The following NAV2 variants were observed in gnomAD, a reference collection of about 807,000 sequenced individuals.
NAV2 encodes the protein helicase, APC down-regulated 1.
A neutral mutation model predicts 223.2 loss-of-function variants in NAV2; 54 were observed. The observed-to-expected ratio is 0.24, with a 90% confidence interval of 0.19 to 0.30. The LOEUF is 0.30. NAV2 is among the 10% of genes least tolerant of loss of function. NAV2 has a pLI of 1.00. For synonymous variants in NAV2, 1,279 were observed against 1,239.3 expected (o/e 1.03, Z -0.67); for missense variants, 2,806 against 3,147.5 (o/e 0.89, Z 2.60).
intron 14 of NAV2, among the ~76,000 whole-genome samples, chr11:20,046,625 A>AC (rs1564922038): frequency 5.9e-5 from 3 of 50,688 alleles, no homozygotes; most frequent in South Asian, 7.0e-4. Context: ...CACACACACA[A>AC]ACCTCTTAAA....
chr11:19,872,891 T>G (rs1231535567), intron 4 of NAV2, among the ~76,000 whole-genome samples: 1 of 152,194 alleles, frequency 6.6e-6, no homozygotes, highest in African/African-American at 2.4e-5. Context: ...TGAACCCATC[T>G]ATTTGCTCTT....
At chr11:19,714,224 G>C (rs1469602116) in intron 1 of NAV2, 1 of 683,690 alleles carries the variant, frequency 1.5e-6, no homozygotes, top group Non-Finnish European at 2.7e-6. Context: ...TCCTGGGGAG[G>C]AGGAAAGGTC....
chr11:20,037,557 G>A (rs1366791731), intron 12 of NAV2, among the ~76,000 whole-genome samples: 1 of 152,172 alleles, frequency 6.6e-6, no homozygotes, highest in Non-Finnish European at 1.5e-5. Flanking sequence ...GTGGGTGGTG[G>A]TAGTTGTTTT....
At chr11:19,486,697 A>G (rs1396874880) in intron 1 of NAV2, among the ~76,000 whole-genome samples, 4 of 152,142 alleles carry the variant, frequency 2.6e-5, no homozygotes, top group Admixed American at 2.6e-4. Context: ...TCCTTTATAA[A>G]TTACCTAGTC....
At chr11:19,510,726 C>A (rs2043253117) in intron 1 of NAV2, among the ~76,000 whole-genome samples, 1 of 149,608 alleles carries the variant, frequency 6.7e-6, no homozygotes, top group African/African-American at 2.5e-5. Flanking sequence ...CAGCCCAGGG[C>A]TGATCATTTT....
intron 5 of NAV2, among the ~76,000 whole-genome samples, chr11:19,892,125 A>C (rs2041551789): frequency 6.6e-6 from 1 of 152,064 alleles, no homozygotes; most frequent in South Asian, 2.1e-4. Flanking sequence ...TGCCTGGCTA[A>C]TTTTTGCATT....
In NAV2 at chr11:19,585,692, T is replaced by C. The variant is rs552153278; in HGVS notation, c.75+234665T>C. ...GGTTGAAAATTCTTTTCTTTAAGAA[T>C]GTTGAATAATTGGCCCCCACTTTCT... On this transcript the variant is annotated intron_variant, in intron 1 of 37. Transcript: ENST00000360655. Among the ~76,000 whole-genome samples the C allele has an allele frequency of 3.3e-5, 5 of 152,370 alleles. No individual in the cohort carries two copies. In the East Asian group the frequency reaches 5.8e-4, roughly 18 times the overall value.
intron 4 of NAV2, among the ~76,000 whole-genome samples, chr11:19,877,484 T>TCTTTTTTTTTTTC (rs58573626): frequency 7.4e-6 from 1 of 136,022 alleles, no homozygotes. Flanking sequence ...TTTTTTTTTT[T>TCTTTTTTTTTTTC]TTTTTTGAGA....
intron 3 of NAV2, among the ~76,000 whole-genome samples, chr11:19,854,420 A>G (rs923856005): frequency 6.6e-6 from 1 of 152,182 alleles, no homozygotes; most frequent in Non-Finnish European, 1.5e-5. Flanking sequence ...CAAAAACTGA[A>G]CAGATGCCAA....
chr11:19,524,185 C>T (rs957078454), intron 1 of NAV2, among the ~76,000 whole-genome samples: 3 of 152,276 alleles, frequency 2.0e-5, no homozygotes, highest in African/African-American at 4.8e-5. Flanking sequence ...ATGGTGGCCA[C>T]GACCAAGCCA....
At chr11:19,588,953 G>C (rs1251079924) in intron 1 of NAV2, among the ~76,000 whole-genome samples, 1 of 152,174 alleles carries the variant, frequency 6.6e-6, no homozygotes, top group East Asian at 1.9e-4. Context: ...AGATGGCTGG[G>C]GTTCTCCTAG....
At chr11:19,663,233 T>C (rs945604705) in intron 1 of NAV2, among the ~76,000 whole-genome samples, 12 of 152,348 alleles carry the variant, frequency 7.9e-5, no homozygotes, top group African/African-American at 2.9e-4. Flanking sequence ...TAATTTCATA[T>C]TGAATATTAG....
At chr11:19,696,676 T>C (rs1381589222) in intron 1 of NAV2, among the ~76,000 whole-genome samples, 1 of 152,222 alleles carries the variant, frequency 6.6e-6, no homozygotes, top group Non-Finnish European at 1.5e-5. Flanking sequence ...GTTTACATTT[T>C]AATCTTCCAA....
intron 1 of NAV2, among the ~76,000 whole-genome samples, chr11:19,620,259 A>G (rs1235566543): frequency 6.6e-6 from 1 of 152,180 alleles, no homozygotes; most frequent in Non-Finnish European, 1.5e-5. Context: ...TTTTGGTTCC[A>G]TATGAACTTT....
chr11:19,514,213 T>A, intron 1 of NAV2, among the ~76,000 whole-genome samples: 1 of 152,090 alleles, frequency 6.6e-6, no homozygotes, highest in African/African-American at 2.4e-5. Flanking sequence ...TTCTCTAGGG[T>A]GTTTTGTGTT....
chr11:19,561,266 T>C (rs2045087020), intron 1 of NAV2, among the ~76,000 whole-genome samples: 1 of 152,202 alleles, frequency 6.6e-6, no homozygotes, highest in Non-Finnish European at 1.5e-5. Flanking sequence ...CTCAGTGTGG[T>C]CAGCTGTGAG....
chr11:19,403,010 C>T (rs527741787), intron 1 of NAV2, among the ~76,000 whole-genome samples: 10 of 152,300 alleles, frequency 6.6e-5, no homozygotes, highest in Admixed American at 2.6e-4. Flanking sequence ...TAGAGCTGGG[C>T]GCAAACTCCA....
intron 20 of NAV2, among the ~76,000 whole-genome samples, chr11:20,064,243 A>G (rs2058893504): frequency 6.6e-6 from 1 of 152,182 alleles, no homozygotes; most frequent in Non-Finnish European, 1.5e-5. Flanking sequence ...TTCAAACCTA[A>G]ATGCACTTCT....
At position 19,414,944 on chromosome 11, in the gene NAV2, C is replaced by T. The variant is rs191039076; in HGVS notation, c.75+63917C>T. ...TAGAATCTCTGGGATACAGCTAAAGCAGTGTTTAGAGGGAAATTTATAGTA... is the reference window on the plus strand; with the variant it reads ...TAGAATCTCTGGGATACAGCTAAAGTAGTGTTTAGAGGGAAATTTATAGTA... On this transcript the variant is annotated intron_variant, in intron 1 of 37. Coordinates refer to the NAV2 transcript ENST00000360655. Among the ~76,000 whole-genome samples, 5 of 152,240 alleles carry T rather than the reference C, an allele frequency of 3.3e-5. No homozygotes were observed. In the East Asian group the frequency reaches 9.7e-4, roughly 29 times the overall value.
Sources: gnomAD v4.1 joint callset for allele counts (sites outside exome capture counted in the v4.1 genomes callset) on GRCh38, gnomAD v4.1.1 for gene constraint, MANE v1.5 for transcripts, NCBI Gene and HGNC (gene_info 2026-07-23, HGNC 2026-07-21) for gene names.